Variants in ADAMTS17 observed in about 807,000 individuals in gnomAD.
ADAMTS17 encodes ADAM metallopeptidase with thrombospondin type 1 motif 17, also known as A disintegrin and metalloproteinase with thrombospondin motifs 17.
In ADAMTS17, 113 loss-of-function variants were observed where a neutral mutation model predicts 141.5. The observed-to-expected ratio is 0.80, with a 90% CI of 0.69 to 0.93. ADAMTS17 has a LOEUF of 0.93. Among genes scored for constraint, ADAMTS17 ranks in the 40% least tolerant of loss-of-function variants. The probability of loss-of-function intolerance (pLI) is 0.00; values close to 1 mark genes in which losing one functional copy is unlikely to be tolerated. For synonymous variants in ADAMTS17, 768 were observed against 630.6 expected (o/e 1.22, Z -3.27); for missense variants, 1,659 against 1,517.9 (o/e 1.09, Z -1.54).
At chr15:100,205,931 A>G (rs2041534448) in intron 7 of ADAMTS17, among the ~76,000 whole-genome samples, 1 of 152,170 alleles carries the variant, frequency 6.6e-6, no homozygotes, top group Non-Finnish European at 1.5e-5. Flanking sequence ...GCCCCTCCAG[A>G]GGGCAAACAA....
intron 12 of ADAMTS17, among the ~76,000 whole-genome samples, chr15:100,130,080 C>T (rs956493200): frequency 3.3e-5 from 5 of 152,050 alleles, no homozygotes; most frequent in Non-Finnish European, 5.9e-5. Flanking sequence ...GAAGTCATTC[C>T]TGGATTGGGC....
chr15:100,267,330 A>G lies in ADAMTS17; in HGVS notation c.790-4895T>C, dbSNP rs2043750145. Among the ~76,000 whole-genome samples the G allele has an allele frequency of 2.0e-5, 3 of 152,112 alleles. No homozygotes were observed. The South Asian group carries it at 6.2e-4, about 32-fold the overall frequency. On this transcript the variant is annotated intron_variant, in intron 4 of 21. Transcript: ENST00000268070. ...TTTCCTTCCTTTTTAAGGCTGGATA[A>G]TATTCCATTGTATGGACACCCCACG...
chr15:100,090,440 A>G (rs1222445835), intron 15 of ADAMTS17, among the ~76,000 whole-genome samples: 2 of 152,220 alleles, frequency 1.3e-5, no homozygotes, highest in Non-Finnish European at 2.9e-5. Context: ...GCCCTGATCA[A>G]TTCCTTTCCC....
chr15:100,087,757 A>G lies in ADAMTS17; in HGVS notation c.2137+8599T>C, dbSNP rs535366867. Among the ~76,000 whole-genome samples, 6 of 152,360 alleles carry G rather than the reference A, an allele frequency of 3.9e-5. No homozygotes were observed. The South Asian group carries it at 1.0e-3, about 26-fold the overall frequency. ...AAAAACCACATGATTATCTCAATAG[A>G]TGCAGAAAAGGCCTCTGACAAAATT... On this transcript the variant is annotated intron_variant, in intron 15 of 21. Transcript: ENST00000268070.
intron 12 of ADAMTS17, chr15:100,126,349 G>GCTA (rs1234595859): frequency 6.6e-6 from 1 of 152,248 alleles, no homozygotes; most frequent in Non-Finnish European, 1.5e-5. Context: ...AGAAAACAGA[G>GCTA]CTACGGTGCC....
chr15:100,200,348 G>A (rs968024448), intron 7 of ADAMTS17, among the ~76,000 whole-genome samples: 6 of 152,098 alleles, frequency 3.9e-5, no homozygotes, highest in South Asian at 2.1e-4. Flanking sequence ...CTTGGGTGCC[G>A]GCCCCTCTGG....
At chr15:100,303,319 T>C (rs1448895790) in intron 3 of ADAMTS17, among the ~76,000 whole-genome samples, 1 of 151,220 alleles carries the variant, frequency 6.6e-6, no homozygotes, top group Non-Finnish European at 1.5e-5. Context: ...TGTCATTCTA[T>C]CACTGAGTTA....
chr15:100,165,840 CA>C (rs2039930111), intron 8 of ADAMTS17, among the ~76,000 whole-genome samples: 1 of 152,104 alleles, frequency 6.6e-6, no homozygotes, highest in African/African-American at 2.4e-5. Flanking sequence ...CCCCTCAGGA[CA>C]AATAGAGGGA....
intron 15 of ADAMTS17, among the ~76,000 whole-genome samples, chr15:100,085,805 T>C (rs991492635): frequency 6.6e-6 from 1 of 151,634 alleles, no homozygotes; most frequent in African/African-American, 2.4e-5. Context: ...CTGAGAGATT[T>C]TGTCACCACC....
chr15:100,255,617 A>AACACACACACACACACACACAT (rs1555495602), intron 6 of ADAMTS17, among the ~76,000 whole-genome samples: 3 of 140,186 alleles, frequency 2.1e-5, no homozygotes, highest in Non-Finnish European at 4.6e-5. Flanking sequence ...TGTTTTGAGC[A>AACACACACACACACACACACAT]ACACACACAC....
At chr15:100,099,747 A>G (rs8042661) in intron 14 of ADAMTS17, among the ~76,000 whole-genome samples, 98,265 of 151,822 alleles carry the variant, frequency 0.65, 32,191 homozygotes, top group South Asian at 0.75. Context: ...GGATGGTATG[A>G]GATGGTATGA....
At chr15:100,108,896 C>T in intron 14 of ADAMTS17, 93 bp downstream of exon 14, 1 of 1,603,366 alleles carries the variant, frequency 6.2e-7, no homozygotes, top group African/African-American at 1.3e-5. Flanking sequence ...TCCCCTAGGC[C>T]TCCTGAGACC....
intron 3 of ADAMTS17, among the ~76,000 whole-genome samples, chr15:100,284,370 T>TA (rs922611422): frequency 7.9e-5 from 12 of 151,988 alleles, no homozygotes; most frequent in Non-Finnish European, 1.5e-4. Flanking sequence ...AGCACACAGG[T>TA]GGGGGGAAAT....
At chr15:100,171,872 C>T (rs1824847728) in intron 8 of ADAMTS17, among the ~76,000 whole-genome samples, 1 of 152,154 alleles carries the variant, frequency 6.6e-6, no homozygotes, top group African/African-American at 2.4e-5. Flanking sequence ...AGGTCTTAAC[C>T]CCGTGGAACT....
chr15:99,995,629 G>A (rs992276607), intron 19 of ADAMTS17, among the ~76,000 whole-genome samples: 1 of 152,196 alleles, frequency 6.6e-6, no homozygotes, highest in Non-Finnish European at 1.5e-5. Context: ...TAGGTAGTGA[G>A]AGCAATCAAC....
intron 10 of ADAMTS17, among the ~76,000 whole-genome samples, chr15:100,142,385 G>C (rs1407857599): frequency 1.3e-5 from 2 of 152,184 alleles, no homozygotes; most frequent in African/African-American, 2.4e-5. Flanking sequence ...AGAGTACCGG[G>C]AGGGATGGTG....
intron 7 of ADAMTS17, among the ~76,000 whole-genome samples, chr15:100,227,485 TG>T (rs2141830171): frequency 6.6e-6 from 1 of 152,264 alleles, no homozygotes; most frequent in Non-Finnish European, 1.5e-5. Context: ...TAGAAAACAA[TG>T]GTTTAATCAG....
chr15:100,008,664 T>A (rs1292191784), intron 18 of ADAMTS17, among the ~76,000 whole-genome samples: 1 of 152,232 alleles, frequency 6.6e-6, no homozygotes, highest in Non-Finnish European at 1.5e-5. Flanking sequence ...CGTCCCTTCC[T>A]GTCCCAGGGA....
At chr15:100,213,492 A>G (rs2041872815) in intron 7 of ADAMTS17, among the ~76,000 whole-genome samples, 2 of 152,104 alleles carry the variant, frequency 1.3e-5, no homozygotes, top group Non-Finnish European at 1.5e-5. Context: ...CACACACCAC[A>G]CACACCCCGG....
Sources: gnomAD v4.1 joint callset for allele counts (sites outside exome capture counted in the v4.1 genomes callset) on GRCh38, gnomAD v4.1.1 for gene constraint, MANE v1.5 for transcripts, NCBI Gene and HGNC (gene_info 2026-07-23, HGNC 2026-07-21) for gene names.